BIK: variants seen among roughly 807,000 people sequenced by gnomAD.
BIK encodes the protein bcl-2-interacting killer.
A neutral mutation model predicts 12.1 loss-of-function variants in BIK; 14 were observed. That is an observed-to-expected ratio of 1.16 (90% confidence interval 0.77 to 1.81). The LOEUF (loss-of-function observed/expected upper bound fraction) is 1.81, where lower values mean the gene tolerates loss of function less well. Ranked by LOEUF, BIK falls within the 40% of genes most tolerant of loss-of-function variation. The pLI, the probability that BIK is intolerant of heterozygous loss-of-function variation, is 0.00. For missense variants in BIK, 215 were observed against 207.9 expected (o/e 1.03, Z -0.21); for synonymous variants, 86 against 92.3 (o/e 0.93, Z 0.39).
chr22:43,123,328 C>A (rs1417545788), intron 1 of BIK, among the ~76,000 whole-genome samples: 1 of 152,190 alleles, frequency 6.6e-6, no homozygotes, highest in East Asian at 1.9e-4. Context: ...AGAGGAATCG[C>A]CCTGCAGCCT....
At chr22:43,124,482 C>T (rs2147024215) in intron 2 of BIK, among the ~76,000 whole-genome samples, 1 of 152,316 alleles carries the variant, frequency 6.6e-6, no homozygotes, top group South Asian at 2.1e-4. Context: ...CCTCAGGGAG[C>T]TAGACAGGCC....
intron 1 of BIK, among the ~76,000 whole-genome samples, chr22:43,119,311 TA>T (rs1930175838): frequency 1.3e-5 from 2 of 151,972 alleles, no homozygotes; most frequent in Non-Finnish European, 2.9e-5. Context: ...AAAAAGATAA[TA>T]AAAACCAGTC....
intron 1 of BIK, among the ~76,000 whole-genome samples, chr22:43,117,238 C>A (rs74867164): frequency 0.025 from 3,860 of 152,176 alleles, 69 homozygotes; most frequent in South Asian, 0.039. Context: ...ACGCTGAGCA[C>A]ATTTTGTAGG....
chr22:43,123,437 A>G (rs1008111679), intron 1 of BIK, among the ~76,000 whole-genome samples: 19 of 151,908 alleles, frequency 1.3e-4, no homozygotes, highest in African/African-American at 4.6e-4. Flanking sequence ...ATTTATTTAT[A>G]CTCTGATTTT....
Position 43,124,099 on chromosome 22 carries a change from C to A in BIK, c.77C>A (p.Thr26Asn). 2 of 1,614,166 alleles carry A rather than the reference C, an allele frequency of 1.2e-6. No individual in the cohort carries two copies. Among genetic ancestry groups the A allele is most frequent in the Non-Finnish European group, 1.7e-6 (2 of 1,180,026 alleles). ...TATGAGCAGCTCCTGGAACCCCCGACCATGGAGGTTCTTGGCATGACTGAC... is the reference window on the plus strand; with the variant it reads ...TATGAGCAGCTCCTGGAACCCCCGAACATGGAGGTTCTTGGCATGACTGAC... ...LLYEQLLEPP[T>N]MEVLGMTDSE... The change falls in exon 2 of 5, where the codon ACC (threonine) becomes AAC (asparagine). Residue 26 changes from threonine (T) to asparagine (N), a missense_variant. Physicochemically the swap from Thr to Asn is moderately conservative, Grantham distance 65. Coordinates refer to ENST00000216115, the MANE Select transcript of BIK (RefSeq NM_001197.5).
At chr22:43,122,730 G>A (rs1388207483) in intron 1 of BIK, among the ~76,000 whole-genome samples, 3 of 152,170 alleles carry the variant, frequency 2.0e-5, no homozygotes, top group Non-Finnish European at 4.4e-5. Flanking sequence ...ATGGTGATGA[G>A]GACACATTTG....
intron 1 of BIK, among the ~76,000 whole-genome samples, chr22:43,112,952 C>T (rs1313648085): frequency 2.0e-5 from 3 of 152,122 alleles, no homozygotes; most frequent in Non-Finnish European, 4.4e-5. Flanking sequence ...ATTTGTAATC[C>T]TAGCACTTTG....
At chr22:43,114,789 A>G (rs1930079476) in intron 1 of BIK, among the ~76,000 whole-genome samples, 1 of 152,226 alleles carries the variant, frequency 6.6e-6, no homozygotes, top group Admixed American at 6.5e-5. Context: ...GCAGAGCAAC[A>G]GGCTCACAGA....
chr22:43,129,162 C>T (rs1179547467), intron 4 of BIK, 51 bp from the exon 5 acceptor site: 7 of 1,600,290 alleles, frequency 4.4e-6, no homozygotes, highest in Middle Eastern at 4.4e-4. Flanking sequence ...CCCGTCTGGC[C>T]CCATTGCCGG....
At chr22:43,119,753 T>C (rs945773417) in intron 1 of BIK, among the ~76,000 whole-genome samples, 1 of 151,642 alleles carries the variant, frequency 6.6e-6, no homozygotes, top group Admixed American at 6.6e-5. Context: ...CAGGCGGGAG[T>C]TGAAGCCAGG....
In BIK at chr22:43,127,933, C is replaced by T; in HGVS notation, c.260+138C>T. ...CCTTGACACTGGGGCTATACTGAAA[C>T]CCTTGGCTGCTTCCCGCACCTCTCC... On this transcript the variant is annotated intron_variant, in intron 3 of 4. Coordinates refer to ENST00000216115, the MANE Select transcript of BIK (RefSeq NM_001197.5). The T allele has an allele frequency of 3.5e-6, 3 of 851,858 alleles. No individual in the cohort carries two copies. The South Asian group carries it at 5.6e-5, about 16-fold the overall frequency. 52.8% of individuals were successfully genotyped at this position (851,858 alleles called of 1,614,324 possible).
chr22:43,122,005 A>G (rs1930229244), intron 1 of BIK, among the ~76,000 whole-genome samples: 1 of 152,228 alleles, frequency 6.6e-6, no homozygotes, highest in Non-Finnish European at 1.5e-5. Flanking sequence ...TGCTGGGATT[A>G]CAGGCGTGAG....
chr22:43,121,589 G>A (rs936747063), intron 1 of BIK, among the ~76,000 whole-genome samples: 10 of 152,140 alleles, frequency 6.6e-5, no homozygotes, highest in African/African-American at 2.4e-4. Flanking sequence ...TTTGCGGGGC[G>A]TGGAGGTACT....
At chr22:43,115,501 C>T (rs1194490110) in intron 1 of BIK, among the ~76,000 whole-genome samples, 2 of 152,076 alleles carry the variant, frequency 1.3e-5, no homozygotes, top group East Asian at 1.9e-4. Context: ...TTACTCCTGT[C>T]GCGGGGGCTG....
At chr22:43,125,420 A>T (rs1930294470) in intron 2 of BIK, among the ~76,000 whole-genome samples, 1 of 151,896 alleles carries the variant, frequency 6.6e-6, no homozygotes, top group Admixed American at 6.6e-5. Flanking sequence ...GAAAACCAGA[A>T]CCGGGCCGGG....
In BIK at chr22:43,113,381, C is replaced by T. The variant is rs149768728; in HGVS notation, c.-8+2578C>T. 9.3e-3 allele frequency among the ~76,000 whole-genome samples: 1,420 copies of T among 152,176 alleles called. 12 individuals are homozygous for T. The highest frequency in any genetic ancestry group is 0.02 in the Middle Eastern group (6 of 294). On this transcript the variant is annotated intron_variant, in intron 1 of 4. Transcript: ENST00000216115. ...GGAGTGCAATGGCTGGGAATACAGG[C>T]GTGAGCCACCTCACCCGGCTCAAGA...
chr22:43,121,974 G>A (rs1416038061), intron 1 of BIK, among the ~76,000 whole-genome samples: 3 of 152,262 alleles, frequency 2.0e-5, no homozygotes, highest in South Asian at 4.1e-4. Context: ...CAGGTGATCC[G>A]CCTGTCTCAG....
chr22:43,122,510 G>T (rs942414866), intron 1 of BIK, among the ~76,000 whole-genome samples: 1 of 152,126 alleles, frequency 6.6e-6, no homozygotes, highest in Non-Finnish European at 1.5e-5. Flanking sequence ...TTTGAACTAG[G>T]CCATTAGATT....
At chr22:43,114,360 T>G (rs1040251748) in intron 1 of BIK, among the ~76,000 whole-genome samples, 16 of 152,190 alleles carry the variant, frequency 1.1e-4, no homozygotes, top group Admixed American at 7.2e-4. Flanking sequence ...TGGAGTGCAG[T>G]GGTGTGATCT....
Sources: allele counts gnomAD v4.1 joint callset (sites outside exome capture counted in the v4.1 genomes callset), GRCh38; gene constraint gnomAD v4.1.1; transcripts MANE v1.5; gene names NCBI Gene and HGNC (gene_info 2026-07-23, HGNC 2026-07-21).